Variants in LRRC63 observed in about 807,000 individuals in gnomAD.
The protein encoded by LRRC63 is leucine-rich repeat-containing protein 63.
LRRC63 carries 40 observed loss-of-function variants against 49.5 expected under a neutral mutation model. The ratio of observed to expected loss-of-function variants is 0.81; its 90% CI spans 0.63 to 1.05. The LOEUF is 1.05. Among genes scored for constraint, LRRC63 ranks in the 50% least tolerant of loss-of-function variants. The probability of loss-of-function intolerance (pLI) is 0.00; values close to 1 mark genes in which losing one functional copy is unlikely to be tolerated. For synonymous variants in LRRC63, 191 were observed against 221.1 expected (o/e 0.86, Z 1.21); for missense variants, 636 against 663.1 (o/e 0.96, Z 0.45).
At chr13:46,221,046 T>G (rs2046394208) in intron 2 of LRRC63, among the ~76,000 whole-genome samples, 1 of 152,198 alleles carries the variant, frequency 6.6e-6, no homozygotes, top group African/African-American at 2.4e-5. Context: ...TTTACCTGCC[T>G]AGTTTCTATA....
chr13:46,213,272 G>A (rs2046147819), intron 2 of LRRC63, among the ~76,000 whole-genome samples, 153 bp downstream of exon 2: 1 of 152,186 alleles, frequency 6.6e-6, no homozygotes, highest in South Asian at 2.1e-4. Flanking sequence ...TTCCACAGAT[G>A]CATTTACTGA....
chr13:46,256,053 T>C (rs1032651941), intron 7 of LRRC63, among the ~76,000 whole-genome samples: 18 of 152,254 alleles, frequency 1.2e-4, no homozygotes, highest in Admixed American at 3.9e-4. Flanking sequence ...TCCTTTTTAA[T>C]GATGACCTCA....
chr13:46,227,445 C>T, intron 2 of LRRC63, 67 bp from the exon 3 acceptor site: 6 of 1,093,490 alleles, frequency 5.5e-6, no homozygotes, highest in Non-Finnish European at 7.5e-6. Flanking sequence ...AAAGTGAATG[C>T]TAAGATATTT....
chr13:46,217,900 C>T (rs542194672), intron 2 of LRRC63, among the ~76,000 whole-genome samples: 1 of 152,232 alleles, frequency 6.6e-6, no homozygotes, highest in South Asian at 2.1e-4. Context: ...GTTCAGTTTC[C>T]ATGTAGTTGT....
At chr13:46,213,620 G>A (rs532775881) in intron 2 of LRRC63, among the ~76,000 whole-genome samples, 1 of 152,160 alleles carries the variant, frequency 6.6e-6, no homozygotes, top group Admixed American at 6.6e-5. Context: ...GGCTGTGATG[G>A]GCCTTACAGA....
At chr13:46,272,882 A>G (rs1239911871) in intron 9 of LRRC63, among the ~76,000 whole-genome samples, 1 of 152,230 alleles carries the variant, frequency 6.6e-6, no homozygotes, top group African/African-American at 2.4e-5. Flanking sequence ...TGTGAGAAAG[A>G]TTCCATTTCT....
intron 2 of LRRC63, among the ~76,000 whole-genome samples, chr13:46,223,299 T>C (rs1216465341): frequency 1.3e-5 from 2 of 152,132 alleles, no homozygotes; most frequent in Non-Finnish European, 2.9e-5. Flanking sequence ...GAAGATCAGT[T>C]GGCTGTAAGT....
intron 1 of LRRC63, 36 bp downstream of exon 1, chr13:46,212,295 C>T (rs1017604156): frequency 6.6e-6 from 1 of 152,196 alleles, no homozygotes; most frequent in African/African-American, 2.4e-5. Flanking sequence ...AGGGTGTTCC[C>T]TTCTAGGCTA....
In LRRC63 at chr13:46,270,006, A is replaced by G. The variant is rs908322310; in HGVS notation, c.1550+3034A>G. The G allele has an allele frequency of 1.4e-5, 6 of 413,924 alleles. No homozygotes were observed. In the Admixed American group the frequency reaches 2.2e-4, roughly 15 times the overall value. 25.6% of individuals were successfully genotyped at this position (413,924 alleles called of 1,614,324 possible). A position where few individuals can be genotyped will look rare whatever the true frequency, so the allele number is the denominator to read the frequency against. ...ATGGGTAGCACTGAACCTTATATAC[A>G]TTGTGTTTTTCTATACATGCATATC... On this transcript the variant is annotated intron_variant, in intron 9 of 9. Coordinates refer to ENST00000595396, the Ensembl canonical transcript of LRRC63.
At chr13:46,266,654 T>A in intron 8 of LRRC63, 79 bp from the exon 9 acceptor site, 1 of 1,239,978 alleles carries the variant, frequency 8.1e-7, no homozygotes, top group East Asian at 2.6e-5. Flanking sequence ...CCAATTTTCA[T>A]GAACAATTGA....
At chr13:46,276,736 G>T in exon 10 of LRRC63, 1 of 1,228,114 alleles carries the variant, frequency 8.1e-7, no homozygotes. Flanking sequence ...AAGGAAAGCA[G>T]TTTTGTTTTA....
intron 7 of LRRC63, 36 bp from the exon 8 acceptor site, chr13:46,261,873 A>G: frequency 1.4e-6 from 1 of 693,746 alleles, no homozygotes; most frequent in Non-Finnish European, 2.1e-6. Flanking sequence ...GTGATACATA[A>G]TCATTTCTAC....
chr13:46,256,489 C>T (rs137875363), intron 7 of LRRC63, among the ~76,000 whole-genome samples: 2,333 of 152,252 alleles, frequency 0.015, 74 homozygotes, highest in African/African-American at 0.052. Context: ...CTGATTATTC[C>T]CAGGCCTTGA....
intron 2 of LRRC63, among the ~76,000 whole-genome samples, chr13:46,213,378 C>T (rs1239064302): frequency 6.6e-6 from 1 of 152,160 alleles, no homozygotes; most frequent in Non-Finnish European, 1.5e-5. Flanking sequence ...CTCAGTCATG[C>T]GTGGATATGT....
chr13:46,276,416 A>C (rs2047837847), intron 9 of LRRC63, among the ~76,000 whole-genome samples, 174 bp from the exon 10 acceptor site: 4 of 152,216 alleles, frequency 2.6e-5, no homozygotes, highest in Admixed American at 6.5e-5. Flanking sequence ...ACATATACCT[A>C]CTTTATTGTT....
intron 2 of LRRC63, among the ~76,000 whole-genome samples, chr13:46,222,313 G>T (rs2046429631): frequency 6.6e-6 from 1 of 152,056 alleles, no homozygotes; most frequent in Admixed American, 6.6e-5. Flanking sequence ...ACTCAACAAG[G>T]TCTTAGTCAT....
intron 5 of LRRC63, among the ~76,000 whole-genome samples, chr13:46,244,168 G>A (rs2047146409): frequency 6.6e-6 from 1 of 152,130 alleles, no homozygotes; most frequent in Admixed American, 6.5e-5. Flanking sequence ...ATATATTGTG[G>A]GTGTTATAGC....
In LRRC63 at chr13:46,265,773, C is replaced by G. The variant is rs369864946; in HGVS notation, c.1311-960C>G. ...GAAGAAAAAGGTGACCATGCCAGCT[C>G]TCTCATTCAGGACTGTGGCAGAGAC... On this transcript the variant is annotated intron_variant, in intron 8 of 9. Coordinates refer to ENST00000595396, the Ensembl canonical transcript of LRRC63. 3.6e-3 allele frequency among the ~76,000 whole-genome samples: 547 copies of G among 152,318 alleles called. 5 individuals carry two copies. The highest frequency in any genetic ancestry group is 0.012 in the African/African-American group (518 of 41,570).
intron 7 of LRRC63, among the ~76,000 whole-genome samples, chr13:46,257,614 A>G (rs9526163): frequency 0.53 from 80,345 of 152,036 alleles, 24,661 homozygotes; most frequent in African/African-American, 0.85. Context: ...TTTAAGTGGG[A>G]TAGCTAAGGT....
Sources: allele counts gnomAD v4.1 joint callset (sites outside exome capture counted in the v4.1 genomes callset), GRCh38; gene constraint gnomAD v4.1.1; transcripts MANE v1.5; gene names NCBI Gene and HGNC (gene_info 2026-07-23, HGNC 2026-07-21).